Variants in BRWD1 observed in about 807,000 individuals in gnomAD.
The protein encoded by BRWD1 is bromodomain and WD repeat domain containing 1, also known as bromodomain and WD repeat-containing protein 1.
BRWD1 carries 82 observed loss-of-function variants against 251.2 expected under a neutral mutation model. That is an observed-to-expected ratio of 0.33 (90% CI 0.27 to 0.39). BRWD1 has a LOEUF of 0.39. Ranked by LOEUF, BRWD1 falls within the 10% of genes least tolerant of loss-of-function variation. The pLI is 1.00. For synonymous variants in BRWD1, 918 were observed against 902.8 expected, an observed-to-expected ratio of 1.02 and a Z score of -0.30; for missense variants, 2,233 against 2,711.6, an observed-to-expected ratio of 0.82 and a Z score of 3.92.
intron 4 of BRWD1, among the ~76,000 whole-genome samples, chr21:39,305,320 T>C (rs2036251999): frequency 6.6e-6 from 1 of 152,146 alleles, no homozygotes; most frequent in Non-Finnish European, 1.5e-5. Flanking sequence ...CAAAAATCCA[T>C]AAGGATACAT....
chr21:39,229,716 T>TA (rs1366418914), intron 25 of BRWD1, among the ~76,000 whole-genome samples: 1 of 152,176 alleles, frequency 6.6e-6, no homozygotes, highest in Non-Finnish European at 1.5e-5. Context: ...CAATCACTGT[T>TA]AAAAATCTAA....
At chr21:39,290,906 A>C (rs556923962) in intron 8 of BRWD1, among the ~76,000 whole-genome samples, 2 of 152,290 alleles carry the variant, frequency 1.3e-5, no homozygotes, top group South Asian at 4.1e-4. Flanking sequence ...TGGAGGAAGA[A>C]GGACTGCTTG....
rs1210235872 is a variant in BRWD1, at chr21:39,195,444, C to G, written c.*815G>C. 2.0e-6 allele frequency: 2 copies of G among 985,558 alleles called. No individual in the cohort carries two copies. Among genetic ancestry groups the G allele is most frequent in the African/African-American group, 3.5e-5 (2 of 57,164 alleles). 61.1% of individuals were successfully genotyped at this position (985,558 alleles called of 1,614,324 possible). On this transcript the variant is annotated 3_prime_UTR_variant, in exon 41 of 41. Coordinates refer to ENST00000342449, the MANE Select transcript of BRWD1 (RefSeq NM_033656.4). Reference sequence around the variant, plus strand: ...TGGAAGAGCAAGATTTTGGTTAAATCCCTTACAATGGAAACCAGGAGATCT... The same window carrying G: ...TGGAAGAGCAAGATTTTGGTTAAATGCCTTACAATGGAAACCAGGAGATCT...
chr21:39,250,179 G>A (rs1009895403), intron 20 of BRWD1, among the ~76,000 whole-genome samples: 1 of 152,038 alleles, frequency 6.6e-6, no homozygotes, highest in Non-Finnish European at 1.5e-5. Context: ...AGATAGAACA[G>A]TAATCCCAAG....
In BRWD1 at chr21:39,313,087, C is replaced by A; in HGVS notation, c.123G>T (p.Glu41Asp). 6.7e-7 allele frequency: 1 copy of A among 1,491,426 alleles called. No homozygotes were observed. Among genetic ancestry groups the A allele is most frequent in the South Asian group, 1.3e-5 (1 of 78,450 alleles). The allele number at this position is 1,491,426 out of a possible 1,614,324, so 92.4% of individuals were successfully genotyped here. A position where few individuals can be genotyped will look rare whatever the true frequency, so the allele number is the denominator to read the frequency against. ...CRRAAQVLVQ[E>D]LEQYQLLPKR... Reference sequence around the variant, plus strand: ...GCGCACAGACCTGGTACTGCTCCAGCTCCTGCACCAGCACCTGCGGCCGAG... The same window carrying A: ...GCGCACAGACCTGGTACTGCTCCAGATCCTGCACCAGCACCTGCGGCCGAG... The change falls in exon 3 of 41, where the codon GAG becomes GAT. Residue 41 changes from glutamate (E) to aspartate (D), a missense_variant. This residue lies in a region of BRWD1 where 101 missense variants were observed against 95.6 expected (regional missense o/e 1.06). Transcript: ENST00000342449.
chr21:39,238,511 G>C lies in BRWD1; in HGVS notation c.2544C>G (p.Asp848Glu). Residue 848 changes from aspartate (D) to glutamate (E), a missense_variant, in exon 22 of 41, where the codon GAC (aspartate) becomes GAG (glutamate). By Grantham distance (45) the Asp-to-Glu change is conservative. This residue lies in a region of BRWD1 where 214 missense variants were observed against 222.0 expected (regional missense o/e 0.96). Coordinates refer to ENST00000342449, the MANE Select transcript of BRWD1 (RefSeq NM_033656.4). ...GSSEEDEWRSDRKSESYSESS... is the reference protein window; with the variant it reads ...GSSEEDEWRSERKSESYSESS... ...TTTCGCTGTAACTCTCACTTTTTCT[G>C]TCACTTCTCCATTCATCCTCTTCTG... 2 of 1,613,412 alleles carry C rather than the reference G, an allele frequency of 1.2e-6. No homozygotes were observed. Among genetic ancestry groups the C allele is most frequent in the Non-Finnish European group, 1.7e-6 (2 of 1,179,632 alleles).
At chr21:39,257,097 T>C (rs1036380496) in intron 18 of BRWD1, among the ~76,000 whole-genome samples, 5 of 151,968 alleles carry the variant, frequency 3.3e-5, no homozygotes, top group African/African-American at 4.8e-5. Flanking sequence ...CATAAAGTTA[T>C]TTATCACATC....
At chr21:39,273,642 G>T (rs1385389901) in intron 13 of BRWD1, among the ~76,000 whole-genome samples, 1 of 106,490 alleles carries the variant, frequency 9.4e-6, no homozygotes, top group Admixed American at 1.0e-4. Flanking sequence ...GGCTGAGATG[G>T]GGGGACAGGC....
chr21:39,185,071 A>G (rs2031136279), downstream of BRWD1: 1 of 152,144 alleles, frequency 6.6e-6, no homozygotes, highest in South Asian at 2.1e-4. Flanking sequence ...AGAGAGAACA[A>G]TTTTACAATG....
At chr21:39,285,243 T>G (rs116838166) in intron 8 of BRWD1, among the ~76,000 whole-genome samples, 1 of 152,300 alleles carries the variant, frequency 6.6e-6, no homozygotes, top group African/African-American at 2.4e-5. Context: ...GCAAACACTG[T>G]GTAATTTCAC....
chr21:39,315,645 AG>A (rs1265251969), upstream of BRWD1: 3 of 151,966 alleles, frequency 2.0e-5, no homozygotes, highest in Admixed American at 6.6e-5. Flanking sequence ...AAAAAAAAAA[AG>A]CTATTTGTGA....
At chr21:39,224,166 G>T (rs2033290310) in intron 29 of BRWD1, among the ~76,000 whole-genome samples, 1 of 152,136 alleles carries the variant, frequency 6.6e-6, no homozygotes, top group Non-Finnish European at 1.5e-5. Flanking sequence ...TAAGTTTAAT[G>T]CAGGGTTACA....
In BRWD1 at chr21:39,197,091, G is replaced by A; in HGVS notation, c.5978C>T (p.Ala1993Val). The A allele has an allele frequency of 6.2e-7, 1 of 1,614,094 alleles. No individual in the cohort carries two copies. Among genetic ancestry groups the A allele is most frequent in the Non-Finnish European group, 8.5e-7 (1 of 1,179,960 alleles). ...AGGATCAGGTGGCTTGCCTTCACAGGCATACTGTTCACTTGGTACTTCACA... is the reference window on the plus strand; with the variant it reads ...AGGATCAGGTGGCTTGCCTTCACAGACATACTGTTCACTTGGTACTTCACA... Reference protein sequence around the residue: ...VHCEVPSEQYACEGKPPDPDS... With the variant: ...VHCEVPSEQYVCEGKPPDPDS... The change falls in exon 41 of 41, where the codon GCC becomes GTC. Residue 1993 changes from alanine (A) to valine (V), a missense_variant. By Grantham distance (64) the Ala-to-Val change is moderately conservative. This residue lies in a region of BRWD1 where 928 missense variants were observed against 970.0 expected (regional missense o/e 0.96). Transcript: ENST00000342449.
At chr21:39,302,367 A>G (rs1313650381) in intron 4 of BRWD1, among the ~76,000 whole-genome samples, 2 of 152,208 alleles carry the variant, frequency 1.3e-5, no homozygotes, top group Non-Finnish European at 1.5e-5. Context: ...AAGTGGAGGA[A>G]AAAATTTAAA....
intron 15 of BRWD1, among the ~76,000 whole-genome samples, chr21:39,267,370 C>G (rs1400098238): frequency 6.6e-6 from 1 of 151,942 alleles, no homozygotes; most frequent in Admixed American, 6.6e-5. Flanking sequence ...CCGAGGCGGG[C>G]GGATCACAAG....
Position 39,264,501 on chromosome 21 carries a change from G to A in BRWD1, c.1844C>T (p.Ala615Val). 1 of 1,610,040 alleles carries A rather than the reference G, an allele frequency of 6.2e-7. No homozygotes were observed. The highest frequency in any genetic ancestry group is 8.5e-7 in the Non-Finnish European group (1 of 1,179,154). The stretch of plus-strand genomic sequence containing the variant: ...CAGCTGTGGAATCAAATGTTCATCT[G>A]CAGAATTTTCTCGGCCTGGTACTAA... ...QRLVPGRENS[A>V]DEHLIPQLGY... The change falls in exon 17 of 41, where the codon GCA (alanine) becomes GTA (valine). Residue 615 changes from alanine to valine, a missense_variant. Physicochemically the swap from Ala to Val is moderately conservative, Grantham distance 64. Transcript: ENST00000342449.
chr21:39,229,761 T>C (rs1369520947), intron 25 of BRWD1, among the ~76,000 whole-genome samples: 2 of 152,172 alleles, frequency 1.3e-5, no homozygotes, highest in South Asian at 4.1e-4. Flanking sequence ...GGAAACAGGA[T>C]CTCACCATGT....
chr21:39,192,282 A>G lies in BRWD1; in HGVS notation c.*3977T>C. ...CTTTACTTTTCAATCCTTACTATTC[A>G]CAGTTTGAGCTAGGAATTAACATTT... On this transcript the variant is annotated 3_prime_UTR_variant, in exon 41 of 41. Coordinates refer to ENST00000342449, the MANE Select transcript of BRWD1 (RefSeq NM_033656.4). 1 of 985,190 alleles carries G rather than the reference A, an allele frequency of 1.0e-6. No individual in the cohort carries two copies. Among genetic ancestry groups the G allele is most frequent in the South Asian group, 4.7e-5 (1 of 21,292 alleles). The allele number at this position is 985,190 out of a possible 1,614,324, so 61.0% of individuals were successfully genotyped here.
At chr21:39,200,470 C>G in intron 38 of BRWD1, 84 bp from the exon 39 acceptor site, 1 of 1,031,500 alleles carries the variant, frequency 9.7e-7, no homozygotes, top group African/African-American at 1.6e-5. Context: ...TTACTCTGAA[C>G]ATTACATAAC....
Sources: allele counts gnomAD v4.1 joint callset (sites outside exome capture counted in the v4.1 genomes callset), GRCh38; gene constraint gnomAD v4.1.1; regional missense constraint gnomAD v4.1.1; transcripts MANE v1.5; gene names NCBI Gene and HGNC (gene_info 2026-07-23, HGNC 2026-07-21).